The following MCF2L variants were observed in gnomAD, a reference collection of about 807,000 sequenced individuals.
MCF2L encodes MCF.2 cell line derived transforming sequence like.
A neutral mutation model predicts 153.4 loss-of-function variants in MCF2L; 97 were observed. The ratio of observed to expected loss-of-function variants is 0.63; its 90% CI spans 0.54 to 0.75. MCF2L has a LOEUF of 0.75. MCF2L is among the 30% of genes least tolerant of loss of function. The probability of loss-of-function intolerance (pLI) is 0.00; values close to 1 mark genes in which losing one functional copy is unlikely to be tolerated. For synonymous variants in MCF2L, 659 were observed against 632.2 expected, an observed-to-expected ratio of 1.04 and a Z score of -0.64; for missense variants, 1,347 against 1,495.2, an observed-to-expected ratio of 0.90 and a Z score of 1.64.
intron 2 of MCF2L, among the ~76,000 whole-genome samples, chr13:112,905,570 C>T (rs1043457263): frequency 1.3e-5 from 2 of 152,158 alleles, no homozygotes; most frequent in Non-Finnish European, 2.9e-5. Flanking sequence ...CTCACTGTAT[C>T]CAACACCCCT....
chr13:113,034,639 A>ACCCG lies in MCF2L; in HGVS notation c.278+9882_278+9883insCCGC, dbSNP rs1566775889. 4.5e-3 allele frequency among the ~76,000 whole-genome samples: 669 copies of ACCCG among 149,068 alleles called. 7 individuals are homozygous for ACCCG. The highest frequency in any genetic ancestry group is 0.016 in the African/African-American group (646 of 40,318). On this transcript the variant is annotated intron_variant, in intron 3 of 29. Coordinates refer to ENST00000535094, the MANE Select transcript of MCF2L (RefSeq NM_001112732.3). The stretch of plus-strand genomic sequence containing the variant: ...TCTCACCCTCGCCCTGGTCTCACCC[A>ACCCG]CGCCCTCGCCCTTGCCCTGGTCTCA...
intron 18 of MCF2L, chr13:113,084,587 C>G: frequency 2.2e-6 from 1 of 461,238 alleles, no homozygotes; most frequent in Non-Finnish European, 3.9e-6. Context: ...CAACAAACCA[C>G]ACCATAAATG....
chr13:112,969,146 GCCGCTT>G (rs1253850860), upstream of MCF2L: 2 of 354,340 alleles, frequency 5.6e-6, no homozygotes, highest in South Asian at 1.3e-4. This position sits in a 1 kb window ranked among gnomAD's most constrained non-coding sequence, Gnocchi z 4.8. Flanking sequence ...GCGGGCGCGC[GCCGCTT>G]CCGCTTCCGC....
chr13:113,083,399 G>A (rs12583706), intron 17 of MCF2L, among the ~76,000 whole-genome samples: 23,270 of 152,236 alleles, frequency 0.15, 2,509 homozygotes, highest in East Asian at 0.47. Flanking sequence ...CCACGTCCAC[G>A]GAGCTTGGGC....
chr13:112,894,403 A>T (rs1347830066), exon 1 of MCF2L: 1 of 150,444 alleles, frequency 6.6e-6, no homozygotes, highest in Admixed American at 6.6e-5. Flanking sequence ...AGCTCGGCGG[A>T]CGCGGGAGGG....
intron 22 of MCF2L, 70 bp from the exon 23 acceptor site, chr13:113,087,637 C>A: frequency 7.3e-7 from 1 of 1,374,344 alleles, no homozygotes. Flanking sequence ...GTGCCTGCAC[C>A]AACACCTTTT....
intron 26 of MCF2L, among the ~76,000 whole-genome samples, chr13:113,093,207 C>T (rs1308067814): frequency 1.3e-5 from 2 of 152,226 alleles, no homozygotes; most frequent in Admixed American, 6.5e-5. Flanking sequence ...CTCTCAGCCT[C>T]CCTTGCTGGG....
chr13:112,944,151 G>C (rs1376575864), intron 2 of MCF2L, among the ~76,000 whole-genome samples: 1 of 149,824 alleles, frequency 6.7e-6, no homozygotes, highest in Non-Finnish European at 1.5e-5. Context: ...GGCCGTGAAG[G>C]GAGGGTCCTG....
In MCF2L at chr13:113,014,744, G is replaced by C; in HGVS notation, c.80-19G>C. On this transcript the variant is annotated intron_variant, in intron 1 of 29. Transcript: ENST00000535094. The stretch of plus-strand genomic sequence containing the variant: ...CAGCTTCCTGGGACTGACACGTGCC[G>C]TCTGCTCTTTCCGTGCAGATGAAAT... The C allele has an allele frequency of 1.9e-6, 3 of 1,608,502 alleles. No homozygotes were observed. Among genetic ancestry groups the C allele is most frequent in the Non-Finnish European group, 2.6e-6 (3 of 1,175,254 alleles).
intron 3 of MCF2L, among the ~76,000 whole-genome samples, chr13:113,037,467 C>T (rs1039412934): frequency 6.6e-6 from 1 of 152,176 alleles, no homozygotes; most frequent in African/African-American, 2.4e-5. Flanking sequence ...TGGTTCAGAG[C>T]CAGGATACCC....
At chr13:112,963,457 C>T (rs2140766475) in intron 2 of MCF2L, among the ~76,000 whole-genome samples, 1 of 152,234 alleles carries the variant, frequency 6.6e-6, no homozygotes, top group South Asian at 2.1e-4. Flanking sequence ...GAGGGAATGA[C>T]TTGTGTGGGG....
At chr13:113,047,593 G>T (rs1273788668) in intron 4 of MCF2L, among the ~76,000 whole-genome samples, 1 of 152,262 alleles carries the variant, frequency 6.6e-6, no homozygotes, top group East Asian at 1.9e-4. Context: ...ATATAAACCA[G>T]CCATCAGGAC....
intron 2 of MCF2L, among the ~76,000 whole-genome samples, chr13:112,950,598 A>C (rs80045828): frequency 0.072 from 11,018 of 152,278 alleles, 459 homozygotes; most frequent in African/African-American, 0.11. Context: ...CTGATTTTTG[A>C]CAGAGATGTA....
At chr13:112,991,986 T>A (rs1483127117) in intron 1 of MCF2L, among the ~76,000 whole-genome samples, 1 of 152,256 alleles carries the variant, frequency 6.6e-6, no homozygotes, top group Non-Finnish European at 1.5e-5. Flanking sequence ...TTATTACAGG[T>A]TGAGTGCCCC....
At chr13:113,060,498 G>T (rs374885076) in intron 4 of MCF2L, 95 bp from the exon 5 acceptor site, 19 of 1,477,736 alleles carry the variant, frequency 1.3e-5, no homozygotes, top group Non-Finnish European at 1.7e-5. Context: ...CGCTAGCTGC[G>T]CGCCCCCGGT....
chr13:113,063,609 C>T (rs969508435), intron 5 of MCF2L, among the ~76,000 whole-genome samples: 6 of 152,200 alleles, frequency 3.9e-5, no homozygotes, highest in Admixed American at 3.3e-4. Context: ...CAAAATGGGT[C>T]TCCTGAGGTT....
At chr13:112,955,245 C>G (rs979299048) in intron 2 of MCF2L, among the ~76,000 whole-genome samples, 1 of 152,060 alleles carries the variant, frequency 6.6e-6, no homozygotes, top group Admixed American at 6.5e-5. Flanking sequence ...ACGTCCTAAA[C>G]CTGCATCAGA....
chr13:112,931,296 C>A (rs1336540450), intron 2 of MCF2L, among the ~76,000 whole-genome samples: 1 of 152,184 alleles, frequency 6.6e-6, no homozygotes, highest in Non-Finnish European at 1.5e-5. Flanking sequence ...AGACTAGAGG[C>A]AAAAGAAGCC....
At chr13:113,021,771 G>A (rs1184576213) in intron 2 of MCF2L, among the ~76,000 whole-genome samples, 1 of 152,212 alleles carries the variant, frequency 6.6e-6, no homozygotes, top group African/African-American at 2.4e-5. Context: ...GGGAGCTTTG[G>A]CGCCTGCTTT....
Sources: allele counts gnomAD v4.1 joint callset (sites outside exome capture counted in the v4.1 genomes callset), GRCh38; gene constraint gnomAD v4.1.1; non-coding constraint Gnocchi (gnomAD v3.1); transcripts MANE v1.5; gene names NCBI Gene and HGNC (gene_info 2026-07-23, HGNC 2026-07-21).